HOOK2: variants seen among roughly 807,000 people sequenced by gnomAD.
HOOK2 encodes protein Hook homolog 2.
In HOOK2, 108 loss-of-function variants were observed where a neutral mutation model predicts 111.9. The observed-to-expected ratio is 0.96, with a 90% CI of 0.83 to 1.13. HOOK2 has a LOEUF of 1.13. Among genes scored for constraint, HOOK2 ranks in the 50% most tolerant of loss-of-function variants. The pLI, the probability that HOOK2 is intolerant of heterozygous loss-of-function variation, is 0.00. For missense variants in HOOK2, 978 were observed against 951.3 expected (o/e 1.03, Z -0.37); for synonymous variants, 405 against 394.3 (o/e 1.03, Z -0.32).
upstream of HOOK2, among the ~76,000 whole-genome samples, chr19:12,781,378 A>G (rs371430703): frequency 2.0e-5 from 3 of 150,288 alleles, no homozygotes; most frequent in East Asian, 2.0e-4. Context: ...CCAGTCTGGA[A>G]TGCAGTGGCG....
Position 12,763,150 on chromosome 19 carries a change from C to G in HOOK2, c.*132G>C. ...CCTCCCGCCCTCCCTCCCCACCAAT[C>G]TGGGAGAGGGAAGAGCAGAGATCAT... On this transcript the variant is annotated 3_prime_UTR_variant, in exon 23 of 23. Coordinates refer to ENST00000397668, the MANE Select transcript of HOOK2 (RefSeq NM_013312.3). 1.1e-5 allele frequency: 5 copies of G among 450,356 alleles called. No individual in the cohort carries two copies. The highest frequency in any genetic ancestry group is 1.3e-5 in the Non-Finnish European group (3 of 237,032). The allele number at this position is 450,356 out of a possible 1,614,324, so 27.9% of individuals were successfully genotyped here.
In HOOK2 at chr19:12,791,880, C is replaced by T; in HGVS notation, n.42-17655G>A. ...TCTACACGACTACAAACTCCTGAAA[C>T]CGAGCCTGGCGGTCAACCTGGCCGA... On this transcript the variant is annotated intron_variant and non_coding_transcript_variant, in intron 3 of 3. Transcript: ENST00000589765. The surrounding 1 kb of genome is among the most constrained non-coding windows in gnomAD (Gnocchi z 7.0). 6.2e-7 allele frequency: 1 copy of T among 1,613,508 alleles called. No homozygotes were observed. The highest frequency in any genetic ancestry group is 8.5e-7 in the Non-Finnish European group (1 of 1,179,898).
chr19:12,788,207 C>A (rs1568380644), intron 3 of HOOK2, among the ~76,000 whole-genome samples: 1 of 152,202 alleles, frequency 6.6e-6, no homozygotes, highest in Non-Finnish European at 1.5e-5. Context: ...TGGATTATAT[C>A]TCAACTCTAG....
chr19:12,784,985 C>T (rs1022788158), intron 3 of HOOK2: 1 of 152,454 alleles, frequency 6.6e-6, no homozygotes, highest in Non-Finnish European at 1.5e-5. Flanking sequence ...GGAACACACA[C>T]ATGTGGGACC....
Position 12,791,954 on chromosome 19 carries a change from G to A in HOOK2, n.42-17729C>T. On this transcript the variant is annotated intron_variant and non_coding_transcript_variant, in intron 3 of 3. Coordinates refer to the HOOK2 transcript ENST00000589765. This position sits in a 1 kb window ranked among gnomAD's most constrained non-coding sequence, Gnocchi z 7.0. ...CTGGGGCTCGCGGACCCGGCCCAGA[G>A]GGCGGCGGTGGCGGCAGCTACTTTT... 1 of 1,611,186 alleles carries A rather than the reference G, an allele frequency of 6.2e-7. No homozygotes were observed. The highest frequency in any genetic ancestry group is 8.5e-7 in the Non-Finnish European group (1 of 1,179,408).
chr19:12,775,703 C>G (rs922481084), upstream of HOOK2: 16 of 368,812 alleles, frequency 4.3e-5, no homozygotes, highest in African/African-American at 2.8e-4. Context: ...GCCCGCCCTG[C>G]CGCTAGGGGT....
upstream of HOOK2, among the ~76,000 whole-genome samples, chr19:12,782,067 G>T (rs544242232): frequency 1.2e-4 from 19 of 152,224 alleles, no homozygotes; most frequent in African/African-American, 4.1e-4. Flanking sequence ...TGTTGCCCAG[G>T]CTGGTCTTGA....
rs764729999 is a variant in HOOK2 at position 12,771,406 on chromosome 19, C to T, written c.591G>A (p.Leu197=). 2.5e-6 allele frequency: 4 copies of T among 1,613,534 alleles called. No individual in the cohort carries two copies. Among genetic ancestry groups the T allele is most frequent in the Non-Finnish European group, 3.4e-6 (4 of 1,179,824 alleles). ...CCACCTAGGGCCCTACCTGCCGCTCCAGATCCAGACAGCGCTGCTGTAATT... is the reference window on the plus strand; with the variant it reads ...CCACCTAGGGCCCTACCTGCCGCTCTAGATCCAGACAGCGCTGCTGTAATT... ...GDELQQRCLD[L]ERQLMLLSEE... Residue 197 remains leucine (L), a synonymous_variant, in exon 8 of 23, where the codon CTG becomes CTA. Coordinates refer to ENST00000397668, the MANE Select transcript of HOOK2 (RefSeq NM_013312.3).
chr19:12,775,006 C>G, intron 1 of HOOK2, 109 bp from the exon 2 acceptor site: 2 of 1,198,210 alleles, frequency 1.7e-6, no homozygotes, highest in Non-Finnish European at 2.4e-6. Context: ...GGGGCGGGCG[C>G]TGCTCCGCCA....
At chr19:12,788,751 C>T (rs1968678079) in intron 3 of HOOK2, among the ~76,000 whole-genome samples, 4 of 152,232 alleles carry the variant, frequency 2.6e-5, no homozygotes, top group Admixed American at 2.6e-4. Flanking sequence ...TGCGCCCCCG[C>T]GGGGCCCAGC....
Position 12,763,552 on chromosome 19 carries a change from C to A in HOOK2, c.1986G>T (p.Leu662=). The A allele has an allele frequency of 6.2e-7, 1 of 1,614,228 alleles. No homozygotes were observed. The highest frequency in any genetic ancestry group is 8.5e-7 in the Non-Finnish European group (1 of 1,180,048). Residue 662 remains leucine, a synonymous_variant, in exon 22 of 23, where the codon CTG becomes CTT. Coordinates refer to ENST00000397668, the MANE Select transcript of HOOK2 (RefSeq NM_013312.3). ...CCATATTATACCAGGCACTGATGAG[C>A]AGCTTTTCTTCCTGCTCCCGCTGAC... ...SRSQREQEEK[L]LISAWYNMGM...
At chr19:12,764,375 G>A (rs1269607015) in intron 20 of HOOK2, 1 of 135,318 alleles carries the variant, frequency 7.4e-6, no homozygotes, top group African/African-American at 2.9e-5. Flanking sequence ...TGTCGCCTAG[G>A]CTGGAGCGCA....
intron 18 of HOOK2, 143 bp from the exon 19 acceptor site, chr19:12,765,224 G>T: frequency 1.3e-6 from 1 of 786,598 alleles, no homozygotes; most frequent in Non-Finnish European, 2.1e-6. Context: ...CATGCCTGGG[G>T]CTGTGTGCCC....
At position 12,766,556 on chromosome 19, in the gene HOOK2, G is replaced by A. The variant is rs534361975; in HGVS notation, c.1374-316C>T. The A allele has an allele frequency of 8.2e-6, 3 of 366,440 alleles. No individual in the cohort carries two copies. The East Asian group carries it at 1.3e-4, about 16-fold the overall frequency. 22.7% of individuals were successfully genotyped at this position (366,440 alleles called of 1,614,324 possible). On this transcript the variant is annotated intron_variant, in intron 14 of 22. Transcript: ENST00000397668. ...AACTAGGATGGGACAGTTTTTCGGG[G>A]TTTTTTTGTTTGTTTGTTTGGTTAG... is the stretch of plus-strand genomic sequence containing the variant.
Position 12,791,926 on chromosome 19 carries a change from C to A in HOOK2, n.42-17701G>T, listed in dbSNP as rs1215954843. ...GCCGACCCCTACCGGAGTCTCAAAG[C>A]GCCTGGGGCTCGCGGACCCGGCCCA... is the stretch of plus-strand genomic sequence containing the variant. On this transcript the variant is annotated intron_variant and non_coding_transcript_variant, in intron 3 of 3. Coordinates refer to the HOOK2 transcript ENST00000589765. This position sits in a 1 kb window ranked among gnomAD's most constrained non-coding sequence, Gnocchi z 7.0. 2.5e-6 allele frequency: 4 copies of A among 1,612,774 alleles called. No homozygotes were observed. Among genetic ancestry groups the A allele is most frequent in the African/African-American group, 2.7e-5 (2 of 74,904 alleles).
intron 3 of HOOK2, among the ~76,000 whole-genome samples, chr19:12,784,318 CCAGGGACACACAGA>C (rs1175640430): frequency 1.3e-5 from 2 of 151,918 alleles, no homozygotes; most frequent in Non-Finnish European, 2.9e-5. Context: ...AGACTGCCAG[CCAGGGACACACAGA>C]CAGGGTCAGA....
intron 3 of HOOK2, chr19:12,773,299 G>A (rs544174653): frequency 2.2e-6 from 1 of 462,720 alleles, no homozygotes; most frequent in East Asian, 4.0e-5. Flanking sequence ...ACCCAGGCTG[G>A]AGTGCAGTGG....
upstream of HOOK2, among the ~76,000 whole-genome samples, chr19:12,782,462 C>T (rs899329693): frequency 1.3e-5 from 2 of 152,200 alleles, no homozygotes; most frequent in African/African-American, 4.8e-5. Flanking sequence ...GCTGCGCGGA[C>T]GCAGTGATGT....
chr19:12,784,253 T>C (rs963723047), intron 3 of HOOK2, among the ~76,000 whole-genome samples: 2 of 151,890 alleles, frequency 1.3e-5, no homozygotes, highest in African/African-American at 4.8e-5. Context: ...GTACACACAG[T>C]CACCCCGAGA....
Sources: allele counts gnomAD v4.1 joint callset (sites outside exome capture counted in the v4.1 genomes callset), GRCh38; gene constraint gnomAD v4.1.1; non-coding constraint Gnocchi (gnomAD v3.1); transcripts MANE v1.5; gene names NCBI Gene and HGNC (gene_info 2026-07-23, HGNC 2026-07-21).